The following FREM2 variants were observed in gnomAD, a reference collection of about 807,000 sequenced individuals.
FREM2 encodes the protein FRAS1 related extracellular matrix 2.
FREM2 carries 119 observed loss-of-function variants against 219.9 expected under a neutral mutation model. The ratio of observed to expected loss-of-function variants is 0.54; its 90% confidence interval spans 0.47 to 0.63. FREM2 has a LOEUF of 0.63. Among genes scored for constraint, FREM2 ranks in the 30% least tolerant of loss-of-function variants. The pLI is 0.00. For synonymous variants in FREM2, 1,562 were observed against 1,522.8 expected, an observed-to-expected ratio of 1.03 and a Z score of -0.60; for missense variants, 4,030 against 3,993.6, an observed-to-expected ratio of 1.01 and a Z score of -0.25.
intron 6 of FREM2, among the ~76,000 whole-genome samples, chr13:38,828,525 TAG>T (rs1876381345): frequency 6.6e-6 from 1 of 151,920 alleles, no homozygotes; most frequent in Admixed American, 6.6e-5. Flanking sequence ...CTGGGCAATA[TAG>T]AGAGACCCCA....
At chr13:38,775,662 C>T (rs771747533) in intron 4 of FREM2, among the ~76,000 whole-genome samples, 4 of 152,184 alleles carry the variant, frequency 2.6e-5, no homozygotes, top group Admixed American at 6.5e-5. Context: ...CTCTGTCACC[C>T]AGGCTGGAGC....
intron 6 of FREM2, among the ~76,000 whole-genome samples, chr13:38,811,718 C>T (rs888122481): frequency 6.6e-6 from 1 of 151,996 alleles, no homozygotes; most frequent in East Asian, 1.9e-4. Flanking sequence ...TGTGACCTAA[C>T]GTATGGTCTG....
At chr13:38,739,471 C>T (rs752735434) in intron 2 of FREM2, among the ~76,000 whole-genome samples, 3 of 152,118 alleles carry the variant, frequency 2.0e-5, no homozygotes, top group African/African-American at 4.8e-5. Context: ...TCAGCATGTT[C>T]CTGCCCCATT....
At chr13:38,868,538 A>G (rs549779004) in intron 16 of FREM2, among the ~76,000 whole-genome samples, 3 of 152,336 alleles carry the variant, frequency 2.0e-5, no homozygotes, top group South Asian at 4.1e-4. Context: ...AGAAATGGAT[A>G]TGGTCATGGA....
At chr13:38,777,939 C>T (rs773140542) in intron 4 of FREM2, among the ~76,000 whole-genome samples, 1 of 152,162 alleles carries the variant, frequency 6.6e-6, no homozygotes, top group African/African-American at 2.4e-5. Flanking sequence ...AGGGCACAGC[C>T]CAGACACTCG....
At chr13:38,850,855 A>C in intron 9 of FREM2, 89 bp from the exon 10 acceptor site, 1 of 1,473,212 alleles carries the variant, frequency 6.8e-7, no homozygotes, top group African/African-American at 1.4e-5. Flanking sequence ...AGCAGGGAAA[A>C]TCAACAAACT....
At chr13:38,858,444 G>A (rs1877641085) in intron 13 of FREM2, among the ~76,000 whole-genome samples, 4 of 152,160 alleles carry the variant, frequency 2.6e-5, no homozygotes, top group Admixed American at 6.5e-5. Context: ...GGATGGTCAG[G>A]TGGAATTTTG....
intron 2 of FREM2, among the ~76,000 whole-genome samples, chr13:38,705,308 T>C (rs2138087885): frequency 1.3e-5 from 2 of 152,198 alleles, no homozygotes; most frequent in South Asian, 4.1e-4. Flanking sequence ...GATTCTGGGT[T>C]TTACAGCCAG....
At chr13:38,783,242 A>G (rs371096100) in intron 5 of FREM2, 47 bp downstream of exon 5, 39 of 1,608,444 alleles carry the variant, frequency 2.4e-5, no homozygotes, top group East Asian at 8.9e-5. Flanking sequence ...AAAGATATAA[A>G]TAAGCCTTTT....
At chr13:38,806,018 A>G (rs1397471713) in intron 6 of FREM2, among the ~76,000 whole-genome samples, 1 of 147,228 alleles carries the variant, frequency 6.8e-6, no homozygotes, top group South Asian at 2.1e-4. Context: ...TTTTTTTTGT[A>G]ATAGTTTCCG....
At chr13:38,860,520 T>C (rs1877722898) in intron 14 of FREM2, among the ~76,000 whole-genome samples, 1 of 152,244 alleles carries the variant, frequency 6.6e-6, no homozygotes, top group African/African-American at 2.4e-5. Context: ...CTGTGACTAC[T>C]ATATATTCAG....
chr13:38,784,496 T>C (rs1593406116), intron 5 of FREM2, 61 bp from the exon 6 acceptor site: 2 of 1,584,186 alleles, frequency 1.3e-6, no homozygotes, highest in African/African-American at 2.7e-5. Context: ...AATAATTGTG[T>C]CTGGAAATAT....
At position 38,851,096 on chromosome 13, in the gene FREM2, G is replaced by A. The variant is rs375378169; in HGVS notation, c.6730G>A (p.Asp2244Asn). ...AAATGAAACTCTCATAAGGATCCGA[G>A]ATGATGCTGATAGTAAGAAATCTTT... Reference protein sequence around the residue: ...EQNETLIRIRDDADKTVIKFG... With the variant: ...EQNETLIRIRNDADKTVIKFG... Residue 2244 changes from aspartate to asparagine, a missense_variant, in exon 10 of 24, where the codon GAT (aspartate) becomes AAT (asparagine). Asp to Asn is a conservative substitution (Grantham distance 23). This residue lies in a region of FREM2 where 3,102 missense variants were observed against 2,950.7 expected (regional missense o/e 1.05). Transcript: ENST00000280481. 1.9e-6 allele frequency: 3 copies of A among 1,613,680 alleles called. No homozygotes were observed. In the Admixed American group the frequency reaches 5.0e-5, roughly 27 times the overall value.
Position 38,693,386 on chromosome 13 carries a change from T to A in FREM2, c.5173+869T>A, listed in dbSNP as rs150239669. ...ACAAAAAACAGTTGCTTCAGGCACC[T>A]GCGGTCTTTAGGCAACAGGATTTTT... On this transcript the variant is annotated intron_variant, in intron 1 of 23. Transcript: ENST00000280481. Among the ~76,000 whole-genome samples the A allele has an allele frequency of 5.3e-5, 8 of 152,366 alleles. No individual in the cohort carries two copies. The East Asian group carries it at 1.3e-3, about 26-fold the overall frequency.
At chr13:38,704,710 T>C (rs2138087153) in intron 2 of FREM2, among the ~76,000 whole-genome samples, 1 of 152,320 alleles carries the variant, frequency 6.6e-6, no homozygotes, top group Non-Finnish European at 1.5e-5. Flanking sequence ...GTTTTCACAG[T>C]GGTCTAAAGA....
chr13:38,706,528 A>G (rs1299276551), intron 2 of FREM2, among the ~76,000 whole-genome samples: 2 of 150,180 alleles, frequency 1.3e-5, no homozygotes, highest in East Asian at 2.0e-4. Context: ...TACTGGGGTC[A>G]TTGGAAAATG....
In FREM2 at chr13:38,689,817, G is replaced by T. The variant is rs757937131; in HGVS notation, c.2473G>T (p.Val825Leu). ...PGTFTLYLHP[V>L]DNQPPEILNT... is the part of the protein sequence containing the mutation. ...TACCTTTACCCTTTACTTGCATCCC[G>T]TGGACAACCAGCCACCTGAGATCCT... The change falls in exon 1 of 24, where the codon GTG becomes TTG. Residue 825 changes from valine (V) to leucine (L), a missense_variant. Val to Leu is a conservative substitution (Grantham distance 32). Transcript: ENST00000280481. 6.2e-7 allele frequency: 1 copy of T among 1,614,062 alleles called. No individual in the cohort carries two copies. The highest frequency in any genetic ancestry group is 1.1e-5 in the South Asian group (1 of 91,074).
chr13:38,790,579 C>A (rs1242698749), intron 6 of FREM2, among the ~76,000 whole-genome samples: 2 of 152,154 alleles, frequency 1.3e-5, no homozygotes, highest in East Asian at 3.9e-4. Flanking sequence ...ATGGACTACT[C>A]TTCTAATACT....
chr13:38,847,282 A>T (rs903562096), intron 7 of FREM2, among the ~76,000 whole-genome samples: 2 of 149,574 alleles, frequency 1.3e-5, no homozygotes, highest in Non-Finnish European at 2.9e-5. Context: ...CAGCAAGCAT[A>T]GAATTCAAAA....
Sources: allele counts gnomAD v4.1 joint callset (sites outside exome capture counted in the v4.1 genomes callset), GRCh38; gene constraint gnomAD v4.1.1; regional missense constraint gnomAD v4.1.1; transcripts MANE v1.5; gene names NCBI Gene and HGNC (gene_info 2026-07-23, HGNC 2026-07-21).